The following SGCZ variants were observed in gnomAD, a reference collection of about 807,000 sequenced individuals.
SGCZ encodes the protein sarcoglycan zeta.
A neutral mutation model predicts 41.3 loss-of-function variants in SGCZ; 40 were observed. The ratio of observed to expected loss-of-function variants is 0.97; its 90% CI spans 0.75 to 1.26. The LOEUF is 1.26. SGCZ is among the 50% of genes most tolerant of loss of function. SGCZ has a pLI of 0.00. For synonymous variants in SGCZ, 206 were observed against 137.5 expected (o/e 1.50, Z -3.49); for missense variants, 552 against 369.8 (o/e 1.49, Z -4.04).
intron 3 of SGCZ, among the ~76,000 whole-genome samples, chr8:14,306,479 T>C (rs80137465): frequency 0.035 from 5,276 of 152,282 alleles, 294 homozygotes; most frequent in African/African-American, 0.12. Context: ...TGGATTATTT[T>C]CCAGTTTATC....
chr8:15,140,534 C>G (rs369566580), intron 1 of SGCZ, among the ~76,000 whole-genome samples: 66 of 152,188 alleles, frequency 4.3e-4, no homozygotes, highest in African/African-American at 1.4e-3. Context: ...ATTGGTAATT[C>G]AACAAATATC....
At chr8:14,801,997 C>G (rs1416415980) in intron 1 of SGCZ, among the ~76,000 whole-genome samples, 1 of 152,048 alleles carries the variant, frequency 6.6e-6, no homozygotes, top group African/African-American at 2.4e-5. Context: ...GGCAGGAGCA[C>G]TTTTAAAATA....
At chr8:14,261,204 G>T (rs1478835863) in intron 3 of SGCZ, among the ~76,000 whole-genome samples, 3 of 151,964 alleles carry the variant, frequency 2.0e-5, no homozygotes, top group Non-Finnish European at 4.4e-5. Context: ...TCTTTCCCTT[G>T]CCTCTTTTGC....
Position 15,195,890 on chromosome 8 carries a change from ATTTTTT to A in SGCZ, c.39+41689_39+41694del, listed in dbSNP as rs10548247. Among the ~76,000 whole-genome samples, 4 of 73,160 alleles carry A rather than the reference ATTTTTT, an allele frequency of 5.5e-5. 1 individual carries two copies. In the South Asian group the frequency reaches 1.8e-3, roughly 33 times the overall value. The allele number at this position is 73,160 out of a possible 152,430, so 48.0% of individuals were successfully genotyped here. ...GGGTTTTATACATCCTTAGGCTTCG[ATTTTTT>A]TTTTTTTTTTTTTTTTTTTGAGACG... is the stretch of plus-strand genomic sequence containing the variant. On this transcript the variant is annotated intron_variant, in intron 1 of 7. Transcript: ENST00000382080.
chr8:14,479,819 CACTGCAA>C (rs1377084931), intron 2 of SGCZ, among the ~76,000 whole-genome samples: 17 of 146,424 alleles, frequency 1.2e-4, no homozygotes, highest in South Asian at 8.9e-4. Flanking sequence ...GATCTCGGCT[CACTGCAA>C]CCTCCGCCTC....
chr8:14,860,042 C>T (rs1438660318), intron 1 of SGCZ, among the ~76,000 whole-genome samples: 1 of 151,988 alleles, frequency 6.6e-6, no homozygotes, highest in Non-Finnish European at 1.5e-5. Flanking sequence ...AAGGAATCAG[C>T]GTTCCCAATC....
intron 1 of SGCZ, among the ~76,000 whole-genome samples, chr8:15,186,464 C>CA (rs1800349235): frequency 6.6e-6 from 1 of 151,906 alleles, no homozygotes; most frequent in South Asian, 2.1e-4. Context: ...TTTGCTTACC[C>CA]AAAATGAAAG....
chr8:14,598,939 T>C (rs1011566462), intron 1 of SGCZ, among the ~76,000 whole-genome samples: 2 of 152,160 alleles, frequency 1.3e-5, no homozygotes, highest in African/African-American at 4.8e-5. Context: ...CCTTGTTTTG[T>C]CTTTTTATTT....
intron 1 of SGCZ, among the ~76,000 whole-genome samples, chr8:14,803,620 A>G (rs1235348418): frequency 6.6e-6 from 1 of 152,110 alleles, no homozygotes; most frequent in Non-Finnish European, 1.5e-5. Flanking sequence ...GCAGTCTGAG[A>G]TCAAACTGCA....
chr8:14,752,069 T>C (rs1013393406), intron 1 of SGCZ, among the ~76,000 whole-genome samples: 2 of 127,508 alleles, frequency 1.6e-5, no homozygotes, highest in Non-Finnish European at 1.6e-5. Flanking sequence ...AGGGTAAAGA[T>C]GAGAAAACTA....
At chr8:15,073,717 G>C (rs938292138) in intron 1 of SGCZ, among the ~76,000 whole-genome samples, 2 of 152,142 alleles carry the variant, frequency 1.3e-5, no homozygotes, top group Non-Finnish European at 1.5e-5. Flanking sequence ...AGCCTTGCTA[G>C]CTTACCCTTG....
At chr8:14,170,291 G>A (rs1871100) in intron 4 of SGCZ, among the ~76,000 whole-genome samples, 9 of 151,872 alleles carry the variant, frequency 5.9e-5, no homozygotes, top group African/African-American at 2.2e-4. Flanking sequence ...AAAACATTCT[G>A]AGGTGAATTT....
chr8:14,778,001 G>C (rs995346262), intron 1 of SGCZ, among the ~76,000 whole-genome samples: 2 of 151,748 alleles, frequency 1.3e-5, no homozygotes, highest in Non-Finnish European at 2.9e-5. Context: ...TCAGCTCACT[G>C]TAACCTTCAT....
chr8:14,847,126 A>AAGAAG lies in SGCZ; in HGVS notation c.40-292201_40-292200insCTTCT, dbSNP rs761276429. ...AGAAAGAAGAAAGAAGAAGAAGAAG[A>AAGAAG]AAGAAGAAGAAGAAGAAGAAGAAGA... On this transcript the variant is annotated intron_variant, in intron 1 of 7. Coordinates refer to ENST00000382080, the MANE Select transcript of SGCZ (RefSeq NM_139167.4). Among the ~76,000 whole-genome samples, 789 of 126,388 alleles carry AAGAAG rather than the reference A, an allele frequency of 6.2e-3. 12 individuals are homozygous for AAGAAG. Among genetic ancestry groups the AAGAAG allele is most frequent in the African/African-American group, 0.023 (750 of 32,894 alleles). The allele number at this position is 126,388 out of a possible 152,430, so 82.9% of individuals were successfully genotyped here. A position where few individuals can be genotyped will look rare whatever the true frequency, so the allele number is the denominator to read the frequency against.
At chr8:15,199,803 A>G (rs1800839070) in intron 1 of SGCZ, among the ~76,000 whole-genome samples, 2 of 152,148 alleles carry the variant, frequency 1.3e-5, no homozygotes, top group Non-Finnish European at 2.9e-5. Flanking sequence ...TGGTTATGAA[A>G]CCTATACTGT....
intron 2 of SGCZ, among the ~76,000 whole-genome samples, chr8:14,348,101 A>G (rs1480999364): frequency 6.6e-6 from 1 of 152,048 alleles, no homozygotes; most frequent in African/African-American, 2.4e-5. Flanking sequence ...CCCAAGGATT[A>G]CTTCAAGGTG....
At chr8:14,284,556 A>C (rs145518814) in intron 3 of SGCZ, among the ~76,000 whole-genome samples, 6 of 152,286 alleles carry the variant, frequency 3.9e-5, no homozygotes, top group Non-Finnish European at 8.8e-5. Flanking sequence ...CCCTTTATTC[A>C]TACAGATAAT....
intron 3 of SGCZ, among the ~76,000 whole-genome samples, chr8:14,238,348 G>A (rs1389915395): frequency 6.6e-6 from 1 of 152,110 alleles, no homozygotes; most frequent in Non-Finnish European, 1.5e-5. Context: ...AGTGTTGACT[G>A]AGTAGATAAA....
chr8:14,978,227 G>C (rs1325016318), intron 1 of SGCZ, among the ~76,000 whole-genome samples: 1 of 123,758 alleles, frequency 8.1e-6, no homozygotes, highest in African/African-American at 2.6e-5. Context: ...CAGCACTTTA[G>C]GAGGCTGAGG....
Sources: gnomAD v4.1 joint callset for allele counts (sites outside exome capture counted in the v4.1 genomes callset) on GRCh38, gnomAD v4.1.1 for gene constraint, MANE v1.5 for transcripts, NCBI Gene and HGNC (gene_info 2026-07-23, HGNC 2026-07-21) for gene names.